ADAMTS3: variants seen among roughly 807,000 people sequenced by gnomAD.
ADAMTS3 encodes the protein A disintegrin and metalloproteinase with thrombospondin motifs 3.
A neutral mutation model predicts 129.0 loss-of-function variants in ADAMTS3; 73 were observed. The ratio of observed to expected loss-of-function variants is 0.57; its 90% confidence interval spans 0.47 to 0.69. ADAMTS3 has a LOEUF of 0.69. Among genes scored for constraint, ADAMTS3 ranks in the 30% least tolerant of loss-of-function variants. The pLI is 0.00. For missense variants in ADAMTS3, 1,457 were observed against 1,514.5 expected, an observed-to-expected ratio of 0.96 and a Z score of 0.63; for synonymous variants, 477 against 510.8, an observed-to-expected ratio of 0.93 and a Z score of 0.89.
chr4:72,333,522 T>A (rs1015858207), intron 5 of ADAMTS3, among the ~76,000 whole-genome samples: 9 of 152,184 alleles, frequency 5.9e-5, no homozygotes, highest in Non-Finnish European at 1.0e-4. Context: ...CACTTTCCAG[T>A]AGGGTCTGTC....
rs573685170 is a variant in ADAMTS3 at position 72,552,863 on chromosome 4, G to A, written c.98-3979C>T. 3.4e-4 allele frequency among the ~76,000 whole-genome samples: 52 copies of A among 151,970 alleles called. 1 individual carries two copies. The highest frequency in any genetic ancestry group is 9.2e-4 in the Admixed American group (14 of 15,258). On this transcript the variant is annotated intron_variant, in intron 2 of 21. Coordinates refer to ENST00000286657, the MANE Select transcript of ADAMTS3 (RefSeq NM_014243.3). ...GTCCCCCTTCTGTGTCTTACCTTTC[G>A]CCATAAATCCTGTCACCATCTGACA...
At chr4:72,285,172 T>C (rs759061801) in intron 21 of ADAMTS3, among the ~76,000 whole-genome samples, 6 of 152,206 alleles carry the variant, frequency 3.9e-5, no homozygotes, top group Admixed American at 1.3e-4. Context: ...GCGAAGCCAA[T>C]AGAGGACTAA....
In ADAMTS3 at chr4:72,297,971, C is replaced by G. The variant is rs553833595; in HGVS notation, c.2590+306G>C. On this transcript the variant is annotated intron_variant, in intron 18 of 21. Coordinates refer to ENST00000286657, the MANE Select transcript of ADAMTS3 (RefSeq NM_014243.3). Reference sequence around the variant, plus strand: ...GAAGAAAGATGAGGACCAGAGTACACTGAATTTGGGAGAGTTTTGGAGTTT... The same window carrying G: ...GAAGAAAGATGAGGACCAGAGTACAGTGAATTTGGGAGAGTTTTGGAGTTT... 1.1e-3 allele frequency among the ~76,000 whole-genome samples: 166 copies of G among 152,072 alleles called. 1 individual carries two copies. Among genetic ancestry groups the G allele is most frequent in the African/African-American group, 3.9e-3 (161 of 41,500 alleles).
intron 3 of ADAMTS3, among the ~76,000 whole-genome samples, chr4:72,457,894 T>C (rs1718666853): frequency 6.6e-6 from 1 of 151,656 alleles, no homozygotes; most frequent in African/African-American, 2.4e-5. Flanking sequence ...TTATCTCTGT[T>C]AGACAATTAT....
chr4:72,419,192 A>G (rs1009156044), intron 3 of ADAMTS3, among the ~76,000 whole-genome samples: 4 of 152,188 alleles, frequency 2.6e-5, no homozygotes, highest in African/African-American at 9.7e-5. Flanking sequence ...GGTCCTTAAC[A>G]CAAATTTCAA....
intron 9 of ADAMTS3, 72 bp downstream of exon 9, chr4:72,319,260 A>G: frequency 6.4e-7 from 1 of 1,557,972 alleles, no homozygotes; most frequent in South Asian, 1.2e-5. Context: ...GCTATGATCA[A>G]GTCCTAAGAG....
intron 3 of ADAMTS3, among the ~76,000 whole-genome samples, chr4:72,455,691 T>A (rs948107120): frequency 1.6e-4 from 23 of 148,290 alleles, no homozygotes; most frequent in African/African-American, 5.4e-4. Flanking sequence ...TCTTCCGGAT[T>A]TTTTGATGTT....
At chr4:72,346,295 T>C (rs1292065298) in intron 4 of ADAMTS3, among the ~76,000 whole-genome samples, 1 of 152,152 alleles carries the variant, frequency 6.6e-6, no homozygotes, top group Non-Finnish European at 1.5e-5. Flanking sequence ...AAACGAATGT[T>C]GTACAGGTTA....
At chr4:72,331,945 A>T (rs987414655) in intron 5 of ADAMTS3, among the ~76,000 whole-genome samples, 1 of 152,152 alleles carries the variant, frequency 6.6e-6, no homozygotes, top group Non-Finnish European at 1.5e-5. Context: ...TATTATTATC[A>T]TTTGTTGATT....
At chr4:72,524,055 C>A (rs1234782160) in intron 3 of ADAMTS3, among the ~76,000 whole-genome samples, 2 of 152,004 alleles carry the variant, frequency 1.3e-5, no homozygotes, top group Admixed American at 1.3e-4. Context: ...CCTTATTTCC[C>A]AAGTGTTTAA....
intron 4 of ADAMTS3, among the ~76,000 whole-genome samples, chr4:72,368,885 T>C (rs547647121): frequency 6.6e-6 from 1 of 152,328 alleles, no homozygotes; most frequent in Non-Finnish European, 1.5e-5. Context: ...AAGGTATTAT[T>C]TCCCCCCTTT....
intron 3 of ADAMTS3, among the ~76,000 whole-genome samples, chr4:72,434,290 G>C (rs1722767916): frequency 1.3e-5 from 2 of 151,778 alleles, no homozygotes; most frequent in African/African-American, 2.4e-5. Context: ...TGCTCATTCA[G>C]TCATTAAAAC....
intron 3 of ADAMTS3, among the ~76,000 whole-genome samples, chr4:72,464,637 C>T (rs1718869992): frequency 6.6e-6 from 1 of 151,978 alleles, no homozygotes; most frequent in South Asian, 2.1e-4. Flanking sequence ...CACTTACCAT[C>T]CTAGAGAAAC....
At chr4:72,428,705 T>C (rs1722627245) in intron 3 of ADAMTS3, among the ~76,000 whole-genome samples, 1 of 152,040 alleles carries the variant, frequency 6.6e-6, no homozygotes. Flanking sequence ...GCATTACTTG[T>C]GAAAAGTCAT....
At chr4:72,534,587 T>C (rs575336795) in intron 3 of ADAMTS3, among the ~76,000 whole-genome samples, 1 of 152,146 alleles carries the variant, frequency 6.6e-6, no homozygotes, top group African/African-American at 2.4e-5. Flanking sequence ...ACCAGAAATT[T>C]TGTATGTTTT....
chr4:72,447,347 C>G (rs902186054), intron 3 of ADAMTS3, among the ~76,000 whole-genome samples: 5 of 151,768 alleles, frequency 3.3e-5, no homozygotes, highest in Admixed American at 1.3e-4. Flanking sequence ...TCTTCCAAAT[C>G]TTACCTTCTA....
At chr4:72,471,954 T>G (rs957361084) in intron 3 of ADAMTS3, among the ~76,000 whole-genome samples, 1 of 151,984 alleles carries the variant, frequency 6.6e-6, no homozygotes, top group Non-Finnish European at 1.5e-5. Flanking sequence ...ACCAAGATCC[T>G]CCACTGAAGA....
At chr4:72,506,674 C>T (rs1720167160) in intron 3 of ADAMTS3, among the ~76,000 whole-genome samples, 1 of 152,194 alleles carries the variant, frequency 6.6e-6, no homozygotes, top group Non-Finnish European at 1.5e-5. Flanking sequence ...ACCTCCAGGA[C>T]CTGGGAGAAA....
intron 4 of ADAMTS3, among the ~76,000 whole-genome samples, chr4:72,373,189 T>C (rs759912850): frequency 2.0e-5 from 3 of 152,146 alleles, no homozygotes; most frequent in Non-Finnish European, 4.4e-5. Context: ...ACACCGCATA[T>C]ATCAAAAGCT....
Sources: gnomAD v4.1 joint callset for allele counts (sites outside exome capture counted in the v4.1 genomes callset) on GRCh38, gnomAD v4.1.1 for gene constraint, MANE v1.5 for transcripts, NCBI Gene and HGNC (gene_info 2026-07-23, HGNC 2026-07-21) for gene names.